Variants in TACR1 observed in about 807,000 individuals in gnomAD.
TACR1 encodes the protein substance-P receptor.
A neutral mutation model predicts 35.8 loss-of-function variants in TACR1; 25 were observed. That is an observed-to-expected ratio of 0.70 (90% CI 0.51 to 0.98). TACR1 has a LOEUF of 0.98. Among genes scored for constraint, TACR1 ranks in the 50% least tolerant of loss-of-function variants. The pLI, the probability that TACR1 is intolerant of heterozygous loss-of-function variation, is 0.00. For synonymous variants in TACR1, 195 were observed against 206.7 expected, an observed-to-expected ratio of 0.94 and a Z score of 0.48; for missense variants, 478 against 522.9, an observed-to-expected ratio of 0.91 and a Z score of 0.84.
chr2:75,066,978 CA>C (rs1200352846), intron 2 of TACR1, among the ~76,000 whole-genome samples: 2 of 151,298 alleles, frequency 1.3e-5, no homozygotes, highest in African/African-American at 2.4e-5. Flanking sequence ...CCTCGTCTTA[CA>C]AAAAAAAGGT....
At chr2:75,055,092 C>T (rs1022822873) in intron 2 of TACR1, among the ~76,000 whole-genome samples, 6 of 152,130 alleles carry the variant, frequency 3.9e-5, no homozygotes, top group African/African-American at 1.2e-4. Context: ...AAAAGCCACC[C>T]AATGATTTTT....
chr2:75,154,409 C>CGCGCGCGCGCGCGCGCGCGCGT (rs1491305556), intron 1 of TACR1: 1 of 97,106 alleles, frequency 1.0e-5, no homozygotes, highest in Non-Finnish European at 2.4e-5. Flanking sequence ...AGAGCGCGCA[C>CGCGCGCGCGCGCGCGCGCGCGT]GCACACACAC....
At chr2:75,127,668 G>A (rs2901641) in intron 1 of TACR1, among the ~76,000 whole-genome samples, 105,127 of 152,038 alleles carry the variant, frequency 0.69, 37,286 homozygotes, top group African/African-American at 0.85. Flanking sequence ...TGATCAAACA[G>A]TGACCCATAT....
At chr2:75,065,212 A>T (rs1444429195) in intron 2 of TACR1, among the ~76,000 whole-genome samples, 1 of 152,220 alleles carries the variant, frequency 6.6e-6, no homozygotes, top group African/African-American at 2.4e-5. Flanking sequence ...CATGCATTTT[A>T]TGAGGTCGAA....
At chr2:75,094,859 A>ATATATATATATATATATATATTT in intron 2 of TACR1, among the ~76,000 whole-genome samples, 36 of 113,076 alleles carry the variant, frequency 3.2e-4, no homozygotes, top group South Asian at 8.2e-4. Context: ...ATATATATAT[A>ATATATATATATATATATATATTT]TTTTTTTTTT....
chr2:75,098,931 CT>C (rs1242837679), intron 2 of TACR1, among the ~76,000 whole-genome samples: 1 of 121,728 alleles, frequency 8.2e-6, no homozygotes, highest in African/African-American at 3.2e-5. Flanking sequence ...TTTTTCTTTT[CT>C]TGCTCTCACA....
At chr2:75,062,401 G>C (rs1042152301) in intron 2 of TACR1, among the ~76,000 whole-genome samples, 1 of 151,952 alleles carries the variant, frequency 6.6e-6, no homozygotes, top group Non-Finnish European at 1.5e-5. Flanking sequence ...ACTCATATTT[G>C]TACACACATA....
chr2:75,172,639 T>C (rs1338135276), intron 1 of TACR1, among the ~76,000 whole-genome samples: 1 of 152,154 alleles, frequency 6.6e-6, no homozygotes, highest in East Asian at 1.9e-4. Context: ...GGAAAGAGAA[T>C]GGAACGAATA....
At chr2:75,056,161 A>C (rs1672565264) in intron 2 of TACR1, among the ~76,000 whole-genome samples, 1 of 152,182 alleles carries the variant, frequency 6.6e-6, no homozygotes, top group Non-Finnish European at 1.5e-5. Context: ...TAATGACTTT[A>C]TTCAAGTGTG....
intron 1 of TACR1, among the ~76,000 whole-genome samples, chr2:75,190,500 A>G (rs756415352): frequency 6.6e-6 from 1 of 152,238 alleles, no homozygotes; most frequent in Non-Finnish European, 1.5e-5. Flanking sequence ...TACTTGATGT[A>G]GAAGGAATCC....
intron 1 of TACR1, among the ~76,000 whole-genome samples, chr2:75,192,763 C>T (rs572570818): frequency 1.7e-4 from 26 of 152,232 alleles, no homozygotes; most frequent in African/African-American, 6.0e-4. Flanking sequence ...TGTTTCTAAT[C>T]GCTCTTCCAG....
At chr2:75,110,486 A>C (rs1365741708) in intron 2 of TACR1, among the ~76,000 whole-genome samples, 1 of 151,970 alleles carries the variant, frequency 6.6e-6, no homozygotes, top group Non-Finnish European at 1.5e-5. Flanking sequence ...TGCGTATTAA[A>C]TTTTGCTGCA....
intron 2 of TACR1, among the ~76,000 whole-genome samples, chr2:75,066,363 G>A (rs932258319): frequency 5.9e-5 from 9 of 152,196 alleles, no homozygotes; most frequent in Non-Finnish European, 1.0e-4. Flanking sequence ...TTCTCTTTCT[G>A]CTCAGATGAG....
intron 1 of TACR1, among the ~76,000 whole-genome samples, chr2:75,151,470 C>G (rs919200600): frequency 1.3e-5 from 2 of 152,198 alleles, no homozygotes; most frequent in African/African-American, 4.8e-5. Flanking sequence ...AAGCCCCAAG[C>G]CTTGGCAGCT....
intron 1 of TACR1, among the ~76,000 whole-genome samples, 192 bp from the exon 2 acceptor site, chr2:75,120,960 G>C (rs545130582): frequency 6.6e-6 from 1 of 152,186 alleles, no homozygotes; most frequent in East Asian, 1.9e-4. Context: ...GCCAACATGC[G>C]TAAGAAAAGC....
At chr2:75,111,223 T>C (rs1004727508) in intron 2 of TACR1, among the ~76,000 whole-genome samples, 4 of 152,026 alleles carry the variant, frequency 2.6e-5, no homozygotes, top group Admixed American at 1.3e-4. Flanking sequence ...TACTTATATA[T>C]GCAAACCAGC....
At chr2:75,079,132 T>TA (rs1212331900) in intron 2 of TACR1, among the ~76,000 whole-genome samples, 2 of 152,158 alleles carry the variant, frequency 1.3e-5, no homozygotes, top group Admixed American at 6.5e-5. Flanking sequence ...AGCCACATGA[T>TA]ATACCTTCAC....
Position 75,185,833 on chromosome 2 carries a change from C to T in TACR1, c.389+12713G>A, listed in dbSNP as rs1675680002. ...AACAACTTTTCTTCTAAGAATTTAT[C>T]CTAATAATCATCCATGTGCGCTAGT... On this transcript the variant is annotated intron_variant, in intron 1 of 4. Coordinates refer to ENST00000305249, the MANE Select transcript of TACR1 (RefSeq NM_001058.4). 2.0e-5 allele frequency among the ~76,000 whole-genome samples: 3 copies of T among 152,266 alleles called. No individual in the cohort carries two copies. In the South Asian group the frequency reaches 6.2e-4, roughly 32 times the overall value.
intron 2 of TACR1, among the ~76,000 whole-genome samples, chr2:75,102,442 G>A (rs182005577): frequency 4.6e-5 from 7 of 152,144 alleles, no homozygotes; most frequent in Non-Finnish European, 1.0e-4. Context: ...GGTTCTAACT[G>A]TAATAGAGTA....
Sources: allele counts gnomAD v4.1 joint callset (sites outside exome capture counted in the v4.1 genomes callset), GRCh38; gene constraint gnomAD v4.1.1; transcripts MANE v1.5; gene names NCBI Gene and HGNC (gene_info 2026-07-23, HGNC 2026-07-21).